The following TMED3 variants were observed in gnomAD, a reference collection of about 807,000 sequenced individuals.
TMED3 encodes transmembrane emp24 domain-containing protein 3.
Under a neutral mutation model 15.0 loss-of-function variants are expected in TMED3, and 9 were observed. The ratio of observed to expected loss-of-function variants is 0.60; its 90% confidence interval spans 0.36 to 1.04. TMED3 has a LOEUF of 1.04. Ranked by LOEUF, TMED3 falls within the 50% of genes least tolerant of loss-of-function variation. TMED3 has a pLI of 0.01. For missense variants in TMED3, 267 were observed against 278.9 expected, an observed-to-expected ratio of 0.96 and a Z score of 0.30; for synonymous variants, 117 against 121.4, an observed-to-expected ratio of 0.96 and a Z score of 0.24.
At chr15:79,335,112 A>G (rs2058822630) in intron 2 of TMED3, among the ~76,000 whole-genome samples, 1 of 152,242 alleles carries the variant, frequency 6.6e-6, no homozygotes. Context: ...TCCATCATGC[A>G]GGTAATTGGT....
intron 2 of TMED3, among the ~76,000 whole-genome samples, chr15:79,386,217 A>G (rs1003430134): frequency 1.3e-5 from 2 of 152,230 alleles, no homozygotes; most frequent in Non-Finnish European, 2.9e-5. Flanking sequence ...TTGTCTAACA[A>G]TGTGAATACA....
intron 2 of TMED3, among the ~76,000 whole-genome samples, chr15:79,390,635 T>C (rs1199746853): frequency 6.6e-6 from 1 of 152,094 alleles, no homozygotes; most frequent in Non-Finnish European, 1.5e-5. Context: ...TGTTTCTCTG[T>C]GTTGTGGAAG....
At chr15:79,325,596 C>T (rs576713921), downstream of TMED3, among the ~76,000 whole-genome samples, 76 of 152,264 alleles carry the variant, frequency 5.0e-4, no homozygotes, top group African/African-American at 1.8e-3. Context: ...AGAATTGACT[C>T]ACACGATCAC....
rs1274357318 is a variant in TMED3 at position 79,311,216 on chromosome 15, G to C, written c.-34G>C. 1 of 1,565,072 alleles carries C rather than the reference G, an allele frequency of 6.4e-7. No individual in the cohort carries two copies. Among genetic ancestry groups the C allele is most frequent in the Non-Finnish European group, 8.6e-7 (1 of 1,161,278 alleles). ...CCAGCCCGCCGGGGGCGCAGCGCCC[G>C]AGCCGCGGCCCTCGAGACGGGACCG... is the stretch of plus-strand genomic sequence containing the variant. On this transcript the variant is annotated 5_prime_UTR_variant, in exon 1 of 3. Transcript: ENST00000299705.
intron 2 of TMED3, among the ~76,000 whole-genome samples, chr15:79,328,477 G>T (rs1567024790): frequency 6.6e-6 from 1 of 152,170 alleles, no homozygotes; most frequent in Non-Finnish European, 1.5e-5. Context: ...GCCTGTGTGG[G>T]CTGCACCTGG....
At chr15:79,353,041 T>A (rs2058899120) in intron 2 of TMED3, among the ~76,000 whole-genome samples, 1 of 95,044 alleles carries the variant, frequency 1.1e-5, no homozygotes, top group Admixed American at 1.6e-4. Context: ...TTATATATAT[T>A]ATATATATAA....
chr15:79,323,595 C>T (rs1192686811), downstream of TMED3, among the ~76,000 whole-genome samples: 1 of 152,200 alleles, frequency 6.6e-6, no homozygotes, highest in African/African-American at 2.4e-5. Context: ...AGCACTGCAA[C>T]ATGACCCATT....
intron 2 of TMED3, among the ~76,000 whole-genome samples, chr15:79,319,568 GA>G (rs2058755480): frequency 6.6e-6 from 1 of 152,170 alleles, no homozygotes; most frequent in Non-Finnish European, 1.5e-5. Flanking sequence ...AGAGATTGTA[GA>G]AATAAAGACA....
chr15:79,409,416 G>A (rs904603689), intron 2 of TMED3, among the ~76,000 whole-genome samples: 1 of 152,178 alleles, frequency 6.6e-6, no homozygotes, highest in African/African-American at 2.4e-5. Flanking sequence ...ATAGGCAGGG[G>A]AACCAAGAGG....
intron 2 of TMED3, among the ~76,000 whole-genome samples, chr15:79,358,612 G>A (rs554222658): frequency 2.6e-5 from 4 of 152,302 alleles, no homozygotes; most frequent in African/African-American, 9.6e-5. Context: ...CCATCCCGAA[G>A]GAGATCACGG....
chr15:79,328,567 A>G (rs2058795845), intron 2 of TMED3, among the ~76,000 whole-genome samples: 2 of 152,180 alleles, frequency 1.3e-5, no homozygotes, highest in South Asian at 4.1e-4. Context: ...GTGGACAGAC[A>G]TCTGGAAGCT....
chr15:79,314,780 A>G (rs1333170066), intron 2 of TMED3: 1 of 266,176 alleles, frequency 3.8e-6, no homozygotes, highest in African/African-American at 2.2e-5. Flanking sequence ...TCTGTCGCCC[A>G]TGGCTGTCAA....
At chr15:79,344,289 AG>A (rs1270358683) in intron 2 of TMED3, among the ~76,000 whole-genome samples, 5 of 152,206 alleles carry the variant, frequency 3.3e-5, no homozygotes, top group African/African-American at 9.6e-5. Context: ...TTGGCGTCCT[AG>A]GATTGCTGTA....
intron 2 of TMED3, among the ~76,000 whole-genome samples, chr15:79,401,648 G>A (rs1334367672): frequency 6.6e-6 from 1 of 152,152 alleles, no homozygotes; most frequent in East Asian, 1.9e-4. Flanking sequence ...CTCACCTGGT[G>A]AGGAAAAACG....
At chr15:79,362,964 A>C (rs1188937737) in intron 2 of TMED3, among the ~76,000 whole-genome samples, 1 of 152,248 alleles carries the variant, frequency 6.6e-6, no homozygotes, top group South Asian at 2.1e-4. Context: ...AATGTGTGCT[A>C]TCAGATAATG....
At position 79,329,465 on chromosome 15, in the gene TMED3, C is replaced by G. The variant is rs113912227; in HGVS notation, c.417+15460C>G. On this transcript the variant is annotated intron_variant, in intron 2 of 2. Coordinates refer to the TMED3 transcript ENST00000424155. ...GCGCATAACTCCACTTGTTAAATAG[C>G]CTGTTTGTGTAAGCTTGTACTTGGC... is the stretch of plus-strand genomic sequence containing the variant. Among the ~76,000 whole-genome samples, 619 of 152,334 alleles carry G rather than the reference C, an allele frequency of 4.1e-3. 2 individuals are homozygous for G. Among genetic ancestry groups the G allele is most frequent in the African/African-American group, 0.014 (600 of 41,566 alleles).
intron 2 of TMED3, among the ~76,000 whole-genome samples, chr15:79,346,842 A>G (rs919405738): frequency 6.6e-6 from 1 of 152,172 alleles, no homozygotes; most frequent in Admixed American, 6.5e-5. Context: ...GTGTGGCCTT[A>G]CTTGAAACAT....
At chr15:79,411,546 G>A (rs1893979960) in exon 3 of TMED3, 2 of 699,880 alleles carry the variant, frequency 2.9e-6, no homozygotes, top group African/African-American at 3.5e-5. Flanking sequence ...ATGGAGGGAA[G>A]ACACAGAAGC....
intron 2 of TMED3, among the ~76,000 whole-genome samples, chr15:79,395,200 A>G (rs1229165518): frequency 2.0e-5 from 3 of 152,054 alleles, no homozygotes; most frequent in Non-Finnish European, 4.4e-5. Context: ...TTTGTTTGAG[A>G]TGGAGTTCCA....
Sources: allele counts gnomAD v4.1 joint callset (sites outside exome capture counted in the v4.1 genomes callset), GRCh38; gene constraint gnomAD v4.1.1; transcripts MANE v1.5; gene names NCBI Gene and HGNC (gene_info 2026-07-23, HGNC 2026-07-21).